Variants in TIPIN observed in about 807,000 individuals in gnomAD.
The protein encoded by TIPIN is TIMELESS-interacting protein.
A neutral mutation model predicts 35.6 loss-of-function variants in TIPIN; 29 were observed. The observed-to-expected ratio is 0.82, with a 90% CI of 0.61 to 1.11. The LOEUF (loss-of-function observed/expected upper bound fraction) is 1.11. Among genes scored for constraint, TIPIN ranks in the 50% most tolerant of loss-of-function variants. The pLI, the probability that TIPIN is intolerant of heterozygous loss-of-function variation, is 0.00. For synonymous variants in TIPIN, 102 were observed against 121.5 expected, an observed-to-expected ratio of 0.84 and a Z score of 1.06; for missense variants, 296 against 345.4, an observed-to-expected ratio of 0.86 and a Z score of 1.13.
At chr15:66,361,904 G>T (rs1269978986) in intron 1 of TIPIN, among the ~76,000 whole-genome samples, 1 of 152,068 alleles carries the variant, frequency 6.6e-6, no homozygotes, top group East Asian at 1.9e-4. Context: ...ACTCCAATGT[G>T]GAAGTGGGGG....
chr15:66,370,633 T>C (rs1595816260), intron 1 of TIPIN, among the ~76,000 whole-genome samples: 1 of 152,150 alleles, frequency 6.6e-6, no homozygotes, highest in African/African-American at 2.4e-5. Context: ...AAGCAATTGA[T>C]ATAGAGCCAG....
chr15:66,354,769 A>G (rs1001216122), intron 1 of TIPIN, among the ~76,000 whole-genome samples: 5 of 152,118 alleles, frequency 3.3e-5, no homozygotes, highest in African/African-American at 9.7e-5. Flanking sequence ...TTGACTCCTA[A>G]TATCTTCCAG....
At chr15:66,356,059 T>C (rs2093202297) in intron 1 of TIPIN, among the ~76,000 whole-genome samples, 1 of 152,164 alleles carries the variant, frequency 6.6e-6, no homozygotes, top group Non-Finnish European at 1.5e-5. Context: ...CCTCCTCTAC[T>C]TCTCCAACTC....
intron 6 of TIPIN, among the ~76,000 whole-genome samples, chr15:66,345,099 GA>G (rs2093115079): frequency 6.6e-6 from 1 of 152,136 alleles, no homozygotes; most frequent in South Asian, 2.1e-4. Context: ...AGGGGAGTCA[GA>G]AATGATGGGA....
intron 1 of TIPIN, among the ~76,000 whole-genome samples, chr15:66,355,064 G>A (rs1407908961): frequency 6.9e-6 from 1 of 144,486 alleles, no homozygotes; most frequent in African/African-American, 2.6e-5. Flanking sequence ...AGGAGTCTCG[G>A]GCTCTGTCAC....
chr15:66,364,229 G>T (rs577280551), intron 1 of TIPIN, among the ~76,000 whole-genome samples: 1 of 136,392 alleles, frequency 7.3e-6, no homozygotes, highest in Non-Finnish European at 1.5e-5. Context: ...GCAGCAATGC[G>T]ATCTCGACTC....
rs181631042 is a variant in TIPIN, at chr15:66,377,521, C to T, written c.-9+9086G>A. Among the ~76,000 whole-genome samples the T allele has an allele frequency of 2.9e-3, 447 of 152,140 alleles. 1 individual carries two copies. Among genetic ancestry groups the T allele is most frequent in the African/African-American group, 1.0e-2 (415 of 41,514 alleles). The stretch of plus-strand genomic sequence containing the variant: ...CTGGGACTACAGGCGCGTGCCACCA[C>T]GCCCAACTAATTTTTGTATTTTTAG... On this transcript the variant is annotated intron_variant, in intron 1 of 7. Coordinates refer to the TIPIN transcript ENST00000562124.
chr15:66,363,966 G>C (rs1317802901), intron 1 of TIPIN, among the ~76,000 whole-genome samples: 1 of 151,164 alleles, frequency 6.6e-6, no homozygotes, highest in Non-Finnish European at 1.5e-5. Context: ...CTGGGCAACA[G>C]AGCGAGACTC....
chr15:66,347,114 T>C (rs2093131482), intron 6 of TIPIN: 1 of 377,482 alleles, frequency 2.6e-6, no homozygotes, highest in Non-Finnish European at 5.4e-6. Flanking sequence ...TTCCTTTACA[T>C]GTTTGAAAGT....
chr15:66,383,680 C>G lies in TIPIN; in HGVS notation c.-9+2927G>C, dbSNP rs539430068. On this transcript the variant is annotated intron_variant, in intron 1 of 7. Transcript: ENST00000562124. ...CATGCATACATTTACATCTATGCCT[C>G]TATATTAAAAAGTATGGGGGAAAGA... 5.7e-6 allele frequency: 4 copies of G among 703,048 alleles called. No individual in the cohort carries two copies. The South Asian group carries it at 2.6e-4, about 45-fold the overall frequency. 43.6% of individuals were successfully genotyped at this position (703,048 alleles called of 1,614,324 possible). A position where few individuals can be genotyped will look rare whatever the true frequency, so the allele number is the denominator to read the frequency against.
intron 7 of TIPIN, among the ~76,000 whole-genome samples, chr15:66,337,483 G>A (rs1042082360): frequency 2.6e-5 from 4 of 151,824 alleles, no homozygotes; most frequent in East Asian, 1.9e-4. Context: ...CACTACACCC[G>A]GCTAATTTTG....
intron 1 of TIPIN, among the ~76,000 whole-genome samples, chr15:66,371,961 A>G (rs1047051574): frequency 6.6e-6 from 1 of 151,648 alleles, no homozygotes; most frequent in African/African-American, 2.4e-5. Flanking sequence ...TGCCTAGCTA[A>G]TTTTTGTATT....
intron 1 of TIPIN, chr15:66,371,220 A>AAG: frequency 1.0e-6 from 1 of 984,638 alleles, no homozygotes; most frequent in Non-Finnish European, 1.2e-6. Flanking sequence ...AAAAAAAAAA[A>AAG]AGTGTAAGTG....
At chr15:66,352,544 C>A (rs1414026789) in intron 2 of TIPIN, among the ~76,000 whole-genome samples, 1 of 152,154 alleles carries the variant, frequency 6.6e-6, no homozygotes, top group African/African-American at 2.4e-5. Flanking sequence ...CCTGCCTCGG[C>A]CTCCCAAAGT....
chr15:66,337,295 A>G (rs1251055817), intron 7 of TIPIN, 114 bp from the exon 8 acceptor site: 11 of 658,388 alleles, frequency 1.7e-5, no homozygotes, highest in Non-Finnish European at 2.7e-5. Context: ...AGATCACTTA[A>G]TGTTAATTAT....
chr15:66,339,131 C>CAAAAAAAAAAAAAA (rs35065958), intron 7 of TIPIN, among the ~76,000 whole-genome samples: 5 of 20,590 alleles, frequency 2.4e-4, no homozygotes, highest in African/African-American at 1.1e-3. Flanking sequence ...GACTCCATCT[C>CAAAAAAAAAAAAAA]AAAAAAAAAA....
At chr15:66,360,328 G>A (rs78434996), upstream of TIPIN, among the ~76,000 whole-genome samples, 3,976 of 152,122 alleles carry the variant, frequency 0.026, 59 homozygotes, top group South Asian at 0.055. Flanking sequence ...GATTTTGGCC[G>A]GGCATAGTGG....
intron 3 of TIPIN, 23 bp downstream of exon 3, chr15:66,352,105 TG>T (rs755604467): frequency 6.6e-7 from 1 of 1,522,096 alleles, no homozygotes; most frequent in Non-Finnish European, 9.0e-7. Flanking sequence ...AAAGTATAAA[TG>T]TATAAGAATA....
Position 66,349,390 on chromosome 15 carries a change from A to C in TIPIN, c.336T>G (p.His112Gln). Residue 112 changes from histidine (H) to glutamine (Q), a missense_variant, in exon 5 of 8, where the codon CAT becomes CAG. His to Gln is a conservative substitution (Grantham distance 24). Transcript: ENST00000261881. ...CAAACTGCAGTTTAGGGAATAGCCT[A>C]TGTGCCCAGTGCTCCATGTGTCTGA... ...MLIRHMEHWA[H>Q]RLFPKLQFED... is the part of the protein sequence containing the mutation. 6.2e-7 allele frequency: 1 copy of C among 1,614,092 alleles called. No individual in the cohort carries two copies. The highest frequency in any genetic ancestry group is 8.5e-7 in the Non-Finnish European group (1 of 1,180,008).
Sources: allele counts gnomAD v4.1 joint callset (sites outside exome capture counted in the v4.1 genomes callset), GRCh38; gene constraint gnomAD v4.1.1; transcripts MANE v1.5; gene names NCBI Gene and HGNC (gene_info 2026-07-23, HGNC 2026-07-21).